The following MGRN1 variants were observed in gnomAD, a reference collection of about 807,000 sequenced individuals.
MGRN1 encodes the protein E3 ubiquitin-protein ligase MGRN1.
MGRN1 carries 29 observed loss-of-function variants against 69.2 expected under a neutral mutation model. That is an observed-to-expected ratio of 0.42 (90% CI 0.31 to 0.57). The LOEUF is 0.57. Ranked by LOEUF, MGRN1 falls within the 20% of genes least tolerant of loss-of-function variation. The probability of loss-of-function intolerance (pLI) is 0.15; values close to 1 mark genes in which losing one functional copy is unlikely to be tolerated. For missense variants in MGRN1, 998 were observed against 796.2 expected, an observed-to-expected ratio of 1.25 and a Z score of -3.05; for synonymous variants, 470 against 344.2, an observed-to-expected ratio of 1.37 and a Z score of -4.04.
intron 10 of MGRN1, among the ~76,000 whole-genome samples, chr16:4,674,108 C>A (rs940877685): frequency 2.0e-5 from 3 of 152,106 alleles, no homozygotes; most frequent in Non-Finnish European, 4.4e-5. Flanking sequence ...TCTCAGCCTC[C>A]CTAGTAGCTG....
intron 1 of MGRN1, among the ~76,000 whole-genome samples, chr16:4,646,293 C>T (rs1429952277): frequency 6.6e-6 from 1 of 152,134 alleles, no homozygotes; most frequent in African/African-American, 2.4e-5. Flanking sequence ...ATGAGCCAGA[C>T]ATTGTGCACA....
intron 1 of MGRN1, among the ~76,000 whole-genome samples, chr16:4,647,678 G>T (rs1433552171): frequency 6.6e-6 from 1 of 152,220 alleles, no homozygotes; most frequent in African/African-American, 2.4e-5. Context: ...AATACTCTGT[G>T]ACTCGCTCCA....
At chr16:4,661,889 A>T (rs1027334638) in intron 5 of MGRN1, among the ~76,000 whole-genome samples, 4 of 152,206 alleles carry the variant, frequency 2.6e-5, no homozygotes, top group African/African-American at 4.8e-5. Flanking sequence ...TACGTGTGCC[A>T]TTCATTCTGG....
chr16:4,631,971 T>C (rs1898025953), intron 1 of MGRN1, among the ~76,000 whole-genome samples: 1 of 151,158 alleles, frequency 6.6e-6, no homozygotes, highest in Admixed American at 6.6e-5. Flanking sequence ...ATTACTGATA[T>C]ATTGCCTTCC....
At chr16:4,629,568 A>G (rs1023160171) in intron 1 of MGRN1, among the ~76,000 whole-genome samples, 6 of 151,532 alleles carry the variant, frequency 4.0e-5, no homozygotes, top group Non-Finnish European at 8.8e-5. Flanking sequence ...GTGAAACCCC[A>G]TCTCTACTAA....
intron 1 of MGRN1, among the ~76,000 whole-genome samples, chr16:4,648,856 T>C (rs528527667): frequency 1.6e-5 from 2 of 125,628 alleles, no homozygotes; most frequent in East Asian, 4.8e-4. Flanking sequence ...CTTCCCGTGG[T>C]CACCCGGCTC....
rs565878487 is a variant in MGRN1, at chr16:4,664,879, A to G, written c.628+104A>G. 3.4e-6 allele frequency: 5 copies of G among 1,472,494 alleles called. No individual in the cohort carries two copies. The South Asian group carries it at 5.8e-5, about 17-fold the overall frequency. The allele number at this position is 1,472,494 out of a possible 1,614,324, so 91.2% of individuals were successfully genotyped here. On this transcript the variant is annotated intron_variant, in intron 6 of 16. Coordinates refer to ENST00000262370, the MANE Select transcript of MGRN1 (RefSeq NM_015246.4). ...AGCAGTGATGAAGCAGGCCAGGCATAGGGCCTTGGGCTTCCCACAGGGCAG... is the reference window on the plus strand; with the variant it reads ...AGCAGTGATGAAGCAGGCCAGGCATGGGGCCTTGGGCTTCCCACAGGGCAG...
In MGRN1 at chr16:4,680,087, A is replaced by T; in HGVS notation, c.1121A>T (p.Lys374Ile). 6.2e-7 allele frequency: 1 copy of T among 1,614,044 alleles called. No individual in the cohort carries two copies. The highest frequency in any genetic ancestry group is 8.5e-7 in the Non-Finnish European group (1 of 1,179,928). Reference sequence around the variant, plus strand: ...GCCTCCCTGGCCAGCAAGAAACCTAAAAGGGAAACAGTAAGTGTCTGGTCC... The same window carrying T: ...GCCTCCCTGGCCAGCAAGAAACCTATAAGGGAAACAGTAAGTGTCTGGTCC... The part of the protein sequence containing the change: ...HPASLASKKP[K>I]RETNSDSVPP... Residue 374 changes from lysine to isoleucine, a missense_variant, in exon 12 of 17, where the codon AAA (lysine) becomes ATA (isoleucine). By Grantham distance (102) the Lys-to-Ile change is moderately radical. Coordinates refer to ENST00000262370, the MANE Select transcript of MGRN1 (RefSeq NM_015246.4).
intron 1 of MGRN1, among the ~76,000 whole-genome samples, chr16:4,645,262 A>G (rs897025039): frequency 6.6e-6 from 1 of 152,050 alleles, no homozygotes; most frequent in Admixed American, 6.6e-5. Context: ...TCTTGGACTC[A>G]AGCGATCTTC....
At chr16:4,670,676 G>A (rs761769985) in intron 8 of MGRN1, among the ~76,000 whole-genome samples, 50 of 152,326 alleles carry the variant, frequency 3.3e-4, no homozygotes, top group African/African-American at 1.1e-3. Flanking sequence ...GCAATGTAGC[G>A]AGATCCTGTC....
chr16:4,636,220 C>T (rs1898282267), intron 1 of MGRN1, among the ~76,000 whole-genome samples: 1 of 151,874 alleles, frequency 6.6e-6, no homozygotes, highest in South Asian at 2.1e-4. Flanking sequence ...CCCCTATTGT[C>T]CCCTTCTGAA....
At chr16:4,677,028 T>G (rs891911662) in intron 10 of MGRN1, 4 of 156,614 alleles carry the variant, frequency 2.6e-5, no homozygotes, top group African/African-American at 9.6e-5. Flanking sequence ...ACTGCTGATT[T>G]GCAGTCACGT....
intron 4 of MGRN1, among the ~76,000 whole-genome samples, chr16:4,656,314 T>G (rs1187765870): frequency 1.3e-5 from 2 of 152,228 alleles, no homozygotes; most frequent in Admixed American, 6.5e-5. Context: ...GGGCCCTGAC[T>G]GAATCAGTAA....
intron 1 of MGRN1, among the ~76,000 whole-genome samples, chr16:4,637,820 C>G (rs1406370297): frequency 6.6e-6 from 1 of 152,262 alleles, no homozygotes; most frequent in Admixed American, 6.5e-5. Context: ...CCCAGTGTGC[C>G]AGTGTCCACC....
intron 15 of MGRN1, among the ~76,000 whole-genome samples, chr16:4,683,619 GCC>G (rs1354272749): frequency 6.6e-6 from 1 of 151,964 alleles, no homozygotes; most frequent in Non-Finnish European, 1.5e-5. Flanking sequence ...GGAAAAAAAA[GCC>G]CCATGCTGGG....
At chr16:4,685,458 C>T (rs376390967) in intron 16 of MGRN1, among the ~76,000 whole-genome samples, 1 of 152,214 alleles carries the variant, frequency 6.6e-6, no homozygotes, top group Non-Finnish European at 1.5e-5. Context: ...GGCAGGCAGT[C>T]GTCATCTGTG....
At chr16:4,656,965 A>G (rs1380465503) in intron 4 of MGRN1, among the ~76,000 whole-genome samples, 3 of 152,222 alleles carry the variant, frequency 2.0e-5, no homozygotes, top group Non-Finnish European at 4.4e-5. Context: ...GGAAAAGCAC[A>G]GCTACACTGG....
intron 8 of MGRN1, among the ~76,000 whole-genome samples, chr16:4,670,495 G>A (rs187693938): frequency 5.3e-5 from 8 of 152,198 alleles, no homozygotes; most frequent in African/African-American, 1.4e-4. Context: ...CACCAGCCTC[G>A]GCCTCCTACT....
chr16:4,639,609 C>A (rs887414207), intron 1 of MGRN1, among the ~76,000 whole-genome samples: 1 of 152,192 alleles, frequency 6.6e-6, no homozygotes, highest in Non-Finnish European at 1.5e-5. Flanking sequence ...GCGTCTGCCC[C>A]CTCGGTGCGG....
Sources: allele counts gnomAD v4.1 joint callset (sites outside exome capture counted in the v4.1 genomes callset), GRCh38; gene constraint gnomAD v4.1.1; transcripts MANE v1.5; gene names NCBI Gene and HGNC (gene_info 2026-07-23, HGNC 2026-07-21).